The following RFC2 variants were observed in gnomAD, a reference collection of about 807,000 sequenced individuals.
RFC2 encodes replication factor C subunit 2.
Under a neutral mutation model 44.8 loss-of-function variants are expected in RFC2, and 34 were observed. That is an observed-to-expected ratio of 0.76 (90% CI 0.58 to 1.01). The LOEUF (loss-of-function observed/expected upper bound fraction) is 1.01. RFC2 is among the 50% of genes least tolerant of loss of function. The probability of loss-of-function intolerance (pLI) is 0.00; values close to 1 mark genes in which losing one functional copy is unlikely to be tolerated. For missense variants in RFC2, 400 were observed against 453.6 expected (o/e 0.88, Z 1.07); for synonymous variants, 177 against 168.9 (o/e 1.05, Z -0.37).
At chr7:74,237,063 C>T (rs868932230) in intron 9 of RFC2, among the ~76,000 whole-genome samples, 44 of 151,344 alleles carry the variant, frequency 2.9e-4, no homozygotes, top group Non-Finnish European at 8.8e-5. Context: ...CAACTCCTAG[C>T]ATAATTTTTT....
chr7:74,250,130 G>A (rs1221403738), intron 2 of RFC2, among the ~76,000 whole-genome samples: 2 of 147,100 alleles, frequency 1.4e-5, no homozygotes, highest in Non-Finnish European at 3.0e-5. Flanking sequence ...TCCAGCCTGG[G>A]AAAGAGTGGG....
At chr7:74,242,851 A>T (rs1390791271) in intron 6 of RFC2, among the ~76,000 whole-genome samples, 2 of 149,924 alleles carry the variant, frequency 1.3e-5, no homozygotes, top group African/African-American at 4.9e-5. Flanking sequence ...TGAACCTTGG[A>T]GGTGGAGGTT....
At chr7:74,244,666 G>A (rs1314750056) in intron 5 of RFC2, among the ~76,000 whole-genome samples, 2 of 151,326 alleles carry the variant, frequency 1.3e-5, no homozygotes, top group Non-Finnish European at 2.9e-5. Flanking sequence ...ACCGCACCTG[G>A]CCCTAAAAAA....
rs1803119948 is a variant in RFC2 at position 74,238,036 on chromosome 7, G to A, written c.760-594C>T. The stretch of plus-strand genomic sequence containing the variant: ...TGAAAGCCTCCTGATGGCTCCAGAG[G>A]TCACCCACACCTGCCCTTGCCTTTT... On this transcript the variant is annotated intron_variant, in intron 8 of 10. Transcript: ENST00000055077. The surrounding 1 kb of genome is among the most constrained non-coding windows in gnomAD (Gnocchi z 4.0). 6.6e-6 allele frequency among the ~76,000 whole-genome samples: 1 copy of A among 151,964 alleles called. No individual in the cohort carries two copies. The highest frequency in any genetic ancestry group is 1.5e-5 in the Non-Finnish European group (1 of 68,006).
At chr7:74,248,006 G>C (rs1386459381) in intron 4 of RFC2, among the ~76,000 whole-genome samples, 7 of 151,926 alleles carry the variant, frequency 4.6e-5, no homozygotes, top group Non-Finnish European at 8.8e-5. Context: ...TGTCACCTAG[G>C]CTGGTCTCAA....
chr7:74,235,493 C>T (rs1466120936), intron 10 of RFC2, 39 bp downstream of exon 10: 1 of 1,325,570 alleles, frequency 7.5e-7, no homozygotes, highest in African/African-American at 1.4e-5. Context: ...CTATGGGCCA[C>T]ATTCTTGAGG....
At position 74,238,653 on chromosome 7, in the gene RFC2, C is replaced by T. The variant is rs1190696383; in HGVS notation, c.759+270G>A. Among the ~76,000 whole-genome samples the T allele has an allele frequency of 2.0e-5, 3 of 152,126 alleles. No individual in the cohort carries two copies. The highest frequency in any genetic ancestry group is 7.2e-5 in the African/African-American group (3 of 41,422). ...GAAGTCGCTGGGATCAAATAAGACA[C>T]GTCAGAAATTGCTCGACCCTGGGTC... On this transcript the variant is annotated intron_variant, in intron 8 of 10. Coordinates refer to ENST00000055077, the MANE Select transcript of RFC2 (RefSeq NM_181471.3). This position sits in a 1 kb window ranked among gnomAD's most constrained non-coding sequence, Gnocchi z 4.0.
chr7:74,254,161 C>T, intron 1 of RFC2, 110 bp downstream of exon 1: 1 of 798,598 alleles, frequency 1.3e-6, no homozygotes, highest in Non-Finnish European at 2.2e-6. Context: ...CCTCCTCCCT[C>T]GGGATTCCCC....
At chr7:74,248,802 GAGA>G (rs1382517705) in intron 4 of RFC2, among the ~76,000 whole-genome samples, 1 of 151,996 alleles carries the variant, frequency 6.6e-6, no homozygotes, top group Non-Finnish European at 1.5e-5. Flanking sequence ...ATGCCTGGCT[GAGA>G]AGAACAGTTT....
rs1803145462 is a variant in RFC2, at chr7:74,238,481, G to A, written c.759+442C>T. Among the ~76,000 whole-genome samples, 1 of 152,068 alleles carries A rather than the reference G, an allele frequency of 6.6e-6. No homozygotes were observed. Among genetic ancestry groups the A allele is most frequent in the Non-Finnish European group, 1.5e-5 (1 of 68,018 alleles). On this transcript the variant is annotated intron_variant, in intron 8 of 10. Coordinates refer to ENST00000055077, the MANE Select transcript of RFC2 (RefSeq NM_181471.3). The surrounding 1 kb of genome is among the most constrained non-coding windows in gnomAD (Gnocchi z 4.0). ...CTCCAGGGGCAGAAGTGGGGAGCAG[G>A]GCACAGCATTGCAGAAAAAACCCAG...
intron 5 of RFC2, among the ~76,000 whole-genome samples, chr7:74,243,847 G>A (rs192163672): frequency 6.9e-4 from 105 of 151,138 alleles, no homozygotes; most frequent in Middle Eastern, 3.4e-3. Context: ...TTATCATAAT[G>A]TAGAGCAATG....
intron 3 of RFC2, 85 bp from the exon 4 acceptor site, chr7:74,249,203 C>G: frequency 1.3e-6 from 2 of 1,596,110 alleles, no homozygotes; most frequent in Non-Finnish European, 1.7e-6. Context: ...CTGTTTGCAT[C>G]TCCGTCACCT....
intron 2 of RFC2, among the ~76,000 whole-genome samples, chr7:74,250,289 T>C (rs1786852871): frequency 6.6e-6 from 1 of 151,936 alleles, no homozygotes; most frequent in Non-Finnish European, 1.5e-5. Flanking sequence ...AACTCTCACC[T>C]CAAGTTCTTT....
intron 10 of RFC2, among the ~76,000 whole-genome samples, chr7:74,233,524 G>A (rs1554717587): frequency 6.6e-6 from 1 of 151,486 alleles, no homozygotes; most frequent in Non-Finnish European, 1.5e-5. Context: ...AGTAATTAGG[G>A]AAATGCAAAT....
At chr7:74,241,645 G>A (rs2116292870) in intron 6 of RFC2, among the ~76,000 whole-genome samples, 1 of 152,316 alleles carries the variant, frequency 6.6e-6, no homozygotes, top group South Asian at 2.1e-4. Context: ...CAGCTGGGCT[G>A]TGCAGGCAGC....
intron 6 of RFC2, 63 bp downstream of exon 6, chr7:74,243,083 T>C: frequency 9.2e-7 from 1 of 1,091,428 alleles, no homozygotes; most frequent in Non-Finnish European, 1.4e-6. Context: ...ACCACATCTA[T>C]AAAAAAGAAA....
chr7:74,248,242 G>A (rs782124894), intron 4 of RFC2, among the ~76,000 whole-genome samples: 5 of 151,580 alleles, frequency 3.3e-5, no homozygotes, highest in Non-Finnish European at 5.9e-5. Context: ...AGTGGCTCAC[G>A]TCTGTAATCC....
chr7:74,240,812 TAGAC>T (rs1238669007), intron 6 of RFC2, among the ~76,000 whole-genome samples: 1 of 152,158 alleles, frequency 6.6e-6, no homozygotes, highest in Admixed American at 6.5e-5. Context: ...TTTTTTTTCA[TAGAC>T]AGGGTTTTGC....
At chr7:74,251,759 C>T (rs1469855012) in intron 2 of RFC2, among the ~76,000 whole-genome samples, 10 of 136,834 alleles carry the variant, frequency 7.3e-5, no homozygotes, top group African/African-American at 2.5e-4. Context: ...GATGGCGCCA[C>T]TGCACTCCAG....
Sources: gnomAD v4.1 joint callset for allele counts (sites outside exome capture counted in the v4.1 genomes callset) on GRCh38, gnomAD v4.1.1 for gene constraint, Gnocchi (gnomAD v3.1) non-coding constraint, MANE v1.5 for transcripts, NCBI Gene and HGNC (gene_info 2026-07-23, HGNC 2026-07-21) for gene names.